FAM171A1: variants seen among roughly 807,000 people sequenced by gnomAD.
FAM171A1 encodes the protein family with sequence similarity 171 member A1, also known as protein FAM171A1.
FAM171A1 carries 23 observed loss-of-function variants against 74.9 expected under a neutral mutation model. The observed-to-expected ratio is 0.31, with a 90% CI of 0.22 to 0.44. The LOEUF is 0.44. Among genes scored for constraint, FAM171A1 ranks in the 20% least tolerant of loss-of-function variants. The pLI is 1.00. For synonymous variants in FAM171A1, 527 were observed against 505.7 expected (o/e 1.04, Z -0.57); for missense variants, 1,162 against 1,159.2 (o/e 1.00, Z -0.03).
At chr10:15,220,372 C>T (rs951690995) in intron 6 of FAM171A1, among the ~76,000 whole-genome samples, 1 of 152,088 alleles carries the variant, frequency 6.6e-6, no homozygotes, top group African/African-American at 2.4e-5. Flanking sequence ...CAAAACAAAA[C>T]TCAACAATTC....
chr10:15,276,620 TG>T (rs1403860859), intron 2 of FAM171A1, among the ~76,000 whole-genome samples: 1 of 152,250 alleles, frequency 6.6e-6, no homozygotes, highest in Non-Finnish European at 1.5e-5. Context: ...TAGGTTAATG[TG>T]TACCTCATGG....
chr10:15,362,807 T>C (rs1405921535), intron 1 of FAM171A1, among the ~76,000 whole-genome samples: 1 of 152,238 alleles, frequency 6.6e-6, no homozygotes, highest in Admixed American at 6.5e-5. Context: ...GGGTTTCATC[T>C]GAATCAAGAG....
intron 1 of FAM171A1, among the ~76,000 whole-genome samples, chr10:15,311,015 G>C (rs1239764091): frequency 6.6e-6 from 1 of 152,106 alleles, no homozygotes; most frequent in East Asian, 1.9e-4. Flanking sequence ...TGAGATACAG[G>C]GGACCTAGGG....
chr10:15,370,129 C>T (rs7899526), intron 1 of FAM171A1, among the ~76,000 whole-genome samples: 80,142 of 151,948 alleles, frequency 0.53, 21,826 homozygotes, highest in East Asian at 0.79. Flanking sequence ...AGGCTCGTGG[C>T]CATTCTCAGA....
chr10:15,301,645 G>C (rs1382912792), intron 1 of FAM171A1, among the ~76,000 whole-genome samples: 1 of 152,202 alleles, frequency 6.6e-6, no homozygotes, highest in African/African-American at 2.4e-5. Context: ...AAAGTAAGCT[G>C]TTGCATGTGC....
chr10:15,325,193 G>C (rs1196845219), intron 1 of FAM171A1, among the ~76,000 whole-genome samples: 1 of 152,186 alleles, frequency 6.6e-6, no homozygotes, highest in Non-Finnish European at 1.5e-5. Context: ...TTCTGAAGCA[G>C]ACAGAGAACT....
chr10:15,222,103 C>A (rs901001255), intron 5 of FAM171A1, among the ~76,000 whole-genome samples: 1 of 152,108 alleles, frequency 6.6e-6, no homozygotes, highest in Admixed American at 6.5e-5. Flanking sequence ...CTAGACAGCC[C>A]GCGCACCCAC....
intron 1 of FAM171A1, among the ~76,000 whole-genome samples, chr10:15,331,140 T>TC (rs755862581): frequency 2.5e-4 from 38 of 152,074 alleles, no homozygotes; most frequent in Non-Finnish European, 4.9e-4. Flanking sequence ...TCCACTGCCT[T>TC]GGCCTCCCAA....
chr10:15,322,771 G>T (rs1588553321), intron 1 of FAM171A1, among the ~76,000 whole-genome samples: 1 of 152,194 alleles, frequency 6.6e-6, no homozygotes, highest in Non-Finnish European at 1.5e-5. Flanking sequence ...CCCCAGAATG[G>T]ACTTATCTTC....
intron 5 of FAM171A1, among the ~76,000 whole-genome samples, chr10:15,224,747 T>C (rs1293630682): frequency 1.3e-5 from 2 of 152,198 alleles, no homozygotes; most frequent in East Asian, 3.8e-4. Flanking sequence ...TCCCCAGCCA[T>C]GTGGAACTGT....
intron 1 of FAM171A1, among the ~76,000 whole-genome samples, chr10:15,367,233 A>C (rs1371574925): frequency 3.4e-5 from 5 of 148,460 alleles, no homozygotes; most frequent in Non-Finnish European, 6.0e-5. Context: ...CACACACACA[A>C]AAACTGAGAA....
At chr10:15,234,921 C>A (rs1393906169) in intron 5 of FAM171A1, among the ~76,000 whole-genome samples, 1 of 152,148 alleles carries the variant, frequency 6.6e-6, no homozygotes, top group African/African-American at 2.4e-5. Flanking sequence ...CTCGGCCCCC[C>A]AGAGTGCTGG....
At chr10:15,284,972 G>T (rs1835018545) in intron 1 of FAM171A1, among the ~76,000 whole-genome samples, 1 of 149,302 alleles carries the variant, frequency 6.7e-6, no homozygotes, top group Non-Finnish European at 1.5e-5. Context: ...GACAGATGAA[G>T]TCAAGTTAGG....
intron 5 of FAM171A1, among the ~76,000 whole-genome samples, chr10:15,225,400 C>T (rs1834092174): frequency 6.6e-6 from 1 of 152,198 alleles, no homozygotes; most frequent in Admixed American, 6.5e-5. Context: ...GAAGAGCCTA[C>T]TATGGCTAAA....
intron 3 of FAM171A1, among the ~76,000 whole-genome samples, chr10:15,256,227 G>T (rs1418546144): frequency 6.6e-6 from 1 of 152,090 alleles, no homozygotes; most frequent in Non-Finnish European, 1.5e-5. Flanking sequence ...CTGGATCAAA[G>T]AACTTGTAAG....
At chr10:15,366,916 T>C (rs1836069620) in intron 1 of FAM171A1, among the ~76,000 whole-genome samples, 1 of 152,166 alleles carries the variant, frequency 6.6e-6, no homozygotes, top group Non-Finnish European at 1.5e-5. Flanking sequence ...ACTGAGAAAG[T>C]GGCTGGGTGC....
intron 1 of FAM171A1, among the ~76,000 whole-genome samples, chr10:15,370,748 C>T (rs1287384519): frequency 2.0e-5 from 3 of 148,038 alleles, no homozygotes. Context: ...GCCCCCGAAG[C>T]CTCCGCCCGG....
intron 3 of FAM171A1, among the ~76,000 whole-genome samples, chr10:15,262,542 C>T (rs1021720455): frequency 5.9e-5 from 9 of 152,102 alleles, no homozygotes; most frequent in African/African-American, 1.9e-4. Context: ...CACTAGGTCA[C>T]GTAACTGTAG....
intron 1 of FAM171A1, among the ~76,000 whole-genome samples, chr10:15,320,583 C>G (rs1048828090): frequency 1.3e-5 from 2 of 152,286 alleles, no homozygotes; most frequent in East Asian, 1.9e-4. Context: ...TACATTCCCA[C>G]CAGCAGTGTA....
Sources: gnomAD v4.1 joint callset for allele counts (sites outside exome capture counted in the v4.1 genomes callset) on GRCh38, gnomAD v4.1.1 for gene constraint, MANE v1.5 for transcripts, NCBI Gene and HGNC (gene_info 2026-07-23, HGNC 2026-07-21) for gene names.